The following NDUFAF6 variants were observed in gnomAD, a reference collection of about 807,000 sequenced individuals.
The protein encoded by NDUFAF6 is NADH:ubiquinone oxidoreductase complex assembly factor 6.
A neutral mutation model predicts 40.8 loss-of-function variants in NDUFAF6; 45 were observed. That is an observed-to-expected ratio of 1.10 (90% CI 0.87 to 1.42). The LOEUF is 1.42. Among genes scored for constraint, NDUFAF6 ranks in the 40% most tolerant of loss-of-function variants. The pLI is 0.00. For missense variants in NDUFAF6, 435 were observed against 418.5 expected (o/e 1.04, Z -0.34); for synonymous variants, 185 against 155.9 (o/e 1.19, Z -1.39).
At chr8:95,116,009 G>A (rs901752482) in intron 5 of NDUFAF6, among the ~76,000 whole-genome samples, 7 of 152,082 alleles carry the variant, frequency 4.6e-5, no homozygotes, top group Non-Finnish European at 1.0e-4. Flanking sequence ...GTGGTGGCAC[G>A]TGTCTGTAAT....
intron 1 of NDUFAF6, among the ~76,000 whole-genome samples, chr8:94,906,131 T>C (rs1182631964): frequency 6.6e-6 from 1 of 152,170 alleles, no homozygotes; most frequent in Non-Finnish European, 1.5e-5. Context: ...GCCCTACAGA[T>C]TCTGAGCAAA....
intron 2 of NDUFAF6, among the ~76,000 whole-genome samples, chr8:95,010,729 T>TA (rs200855057): frequency 0.021 from 3,261 of 151,788 alleles, 36 homozygotes; most frequent in Non-Finnish European, 0.023. Flanking sequence ...TCAGACTCTT[T>TA]AAAAAAAAAT....
intron 9 of NDUFAF6, among the ~76,000 whole-genome samples, chr8:95,064,540 CGTGTGTGTGTGTGT>C (rs10559024): frequency 6.7e-6 from 1 of 149,626 alleles, no homozygotes; most frequent in South Asian, 2.1e-4. Flanking sequence ...ATCATTTATT[CGTGTGTGTGTGTGT>C]GTGTGTGTGC....
rs1390574545 is a variant in NDUFAF6 at position 95,058,487 on chromosome 8, A to G, written c.*550A>G. On this transcript the variant is annotated 3_prime_UTR_variant, in exon 9 of 9. Transcript: ENST00000396124. ...AATCTTGTGTAAAAATTTATCCATG[A>G]TAATAACATAACTTCTTTAAGGTTG... The G allele has an allele frequency of 2.1e-5, 26 of 1,228,300 alleles. No individual in the cohort carries two copies. Among genetic ancestry groups the G allele is most frequent in the Non-Finnish European group, 2.6e-5 (26 of 986,412 alleles). The allele number at this position is 1,228,300 out of a possible 1,614,324, so 76.1% of individuals were successfully genotyped here. A position where few individuals can be genotyped will look rare whatever the true frequency, so the allele number is the denominator to read the frequency against.
intron 1 of NDUFAF6, among the ~76,000 whole-genome samples, chr8:94,901,731 GT>G: frequency 6.6e-6 from 1 of 152,164 alleles, no homozygotes; most frequent in South Asian, 2.1e-4. Context: ...ACAGGCATGC[GT>G]CACCATTCCT....
intron 2 of NDUFAF6, among the ~76,000 whole-genome samples, chr8:95,095,248 A>T (rs1320917598): frequency 6.6e-6 from 1 of 152,092 alleles, no homozygotes; most frequent in East Asian, 1.9e-4. Context: ...TGTGCCTCAG[A>T]GCGTGAATCA....
At chr8:95,108,173 A>G (rs1379204268), downstream of NDUFAF6, among the ~76,000 whole-genome samples, 1 of 152,188 alleles carries the variant, frequency 6.6e-6, no homozygotes, top group Non-Finnish European at 1.5e-5. Context: ...TCAAAAAATT[A>G]AATATAGAAT....
chr8:94,899,833 C>T (rs935040141), intron 1 of NDUFAF6, among the ~76,000 whole-genome samples: 13 of 152,298 alleles, frequency 8.5e-5, no homozygotes, highest in Middle Eastern at 3.4e-3. Flanking sequence ...AGCACAGATG[C>T]CACTCCTTAA....
intron 3 of NDUFAF6, among the ~76,000 whole-genome samples, chr8:95,039,616 G>GT (rs879756772): frequency 0.013 from 1,891 of 147,016 alleles, 21 homozygotes; most frequent in Middle Eastern, 0.024. Flanking sequence ...AATCAGGACA[G>GT]TTTTTTTTTT....
intron 1 of NDUFAF6, among the ~76,000 whole-genome samples, chr8:94,977,956 T>C (rs961523702): frequency 1.3e-5 from 2 of 152,152 alleles, no homozygotes; most frequent in Admixed American, 1.3e-4. Flanking sequence ...CCCTTGTAAT[T>C]TCCTGAATGA....
upstream of NDUFAF6, among the ~76,000 whole-genome samples, chr8:94,956,094 G>A (rs1823045445): frequency 1.3e-5 from 2 of 152,172 alleles, no homozygotes; most frequent in South Asian, 4.1e-4. Context: ...CTTTAGGCTT[G>A]ACCTCTCTTA....
chr8:94,911,054 C>T (rs1024521392), intron 1 of NDUFAF6, among the ~76,000 whole-genome samples: 1 of 152,162 alleles, frequency 6.6e-6, no homozygotes, highest in African/African-American at 2.4e-5. Context: ...CGTGTGTATA[C>T]ATGATTATAT....
intron 1 of NDUFAF6, among the ~76,000 whole-genome samples, chr8:95,027,186 G>A (rs1191774789): frequency 6.6e-6 from 1 of 152,156 alleles, no homozygotes; most frequent in South Asian, 2.1e-4. Context: ...TGGAATGGGG[G>A]CTCTTGACTC....
At chr8:95,017,342 C>T (rs1040593629) in intron 2 of NDUFAF6, among the ~76,000 whole-genome samples, 2 of 152,106 alleles carry the variant, frequency 1.3e-5, no homozygotes, top group Non-Finnish European at 1.5e-5. Context: ...ATGGAGACAA[C>T]CTTACAGGAA....
At chr8:95,021,518 C>A (rs1426056932), upstream of NDUFAF6, among the ~76,000 whole-genome samples, 2 of 152,146 alleles carry the variant, frequency 1.3e-5, no homozygotes, top group Non-Finnish European at 2.9e-5. Flanking sequence ...ACTCTGTGAG[C>A]CTTTTCCCTT....
At chr8:94,939,579 G>A (rs2013597) in intron 1 of NDUFAF6, 222,398 of 343,664 alleles carry the variant, frequency 0.65, 73,681 homozygotes, top group East Asian at 0.77. Flanking sequence ...GTTATTTTTT[G>A]TACAGACGGG....
downstream of NDUFAF6, among the ~76,000 whole-genome samples, chr8:95,077,843 G>C (rs1473014625): frequency 6.6e-6 from 1 of 152,124 alleles, no homozygotes; most frequent in East Asian, 1.9e-4. Context: ...GGGTGGGCTT[G>C]CTGTGGATCT....
intron 2 of NDUFAF6, among the ~76,000 whole-genome samples, chr8:95,005,324 C>T (rs888861662): frequency 5.3e-5 from 8 of 151,870 alleles, no homozygotes; most frequent in Admixed American, 1.3e-4. Context: ...CTTTGAAGTA[C>T]ATTTCTTGTT....
At chr8:94,972,025 A>T (rs760439155) in intron 1 of NDUFAF6, among the ~76,000 whole-genome samples, 52 of 152,164 alleles carry the variant, frequency 3.4e-4, no homozygotes, top group Admixed American at 5.9e-4. Context: ...GCATTTTAAA[A>T]TTTTCTGGCA....
Sources: gnomAD v4.1 joint callset for allele counts (sites outside exome capture counted in the v4.1 genomes callset) on GRCh38, gnomAD v4.1.1 for gene constraint, MANE v1.5 for transcripts, NCBI Gene and HGNC (gene_info 2026-07-23, HGNC 2026-07-21) for gene names.